Variants in GALNT2 observed in about 807,000 individuals in gnomAD.
GALNT2 encodes the protein UDP-GalNAc:polypeptide N-acetylgalactosaminyltransferase 2.
GALNT2 carries 31 observed loss-of-function variants against 81.4 expected under a neutral mutation model. That is an observed-to-expected ratio of 0.38 (90% CI 0.29 to 0.51). The LOEUF (loss-of-function observed/expected upper bound fraction) is 0.51, where lower values mean the gene tolerates loss of function less well. GALNT2 is among the 20% of genes least tolerant of loss of function. GALNT2 has a pLI of 0.87. For synonymous variants in GALNT2, 303 were observed against 287.4 expected, an observed-to-expected ratio of 1.05 and a Z score of -0.55; for missense variants, 629 against 765.7, an observed-to-expected ratio of 0.82 and a Z score of 2.11.
intron 1 of GALNT2, among the ~76,000 whole-genome samples, chr1:230,060,735 T>C (rs1042728169): frequency 6.6e-6 from 1 of 152,212 alleles, no homozygotes; most frequent in Non-Finnish European, 1.5e-5. Context: ...TGAATGTCTA[T>C]CAGTTGGCAT....
chr1:230,140,151 G>C (rs1485506780), intron 1 of GALNT2, among the ~76,000 whole-genome samples: 2 of 152,240 alleles, frequency 1.3e-5, no homozygotes, highest in African/African-American at 4.8e-5. Context: ...TCCCCTTGGG[G>C]GTCGGCTTTT....
intron 1 of GALNT2, among the ~76,000 whole-genome samples, chr1:230,143,038 G>A (rs1661797901): frequency 6.6e-6 from 1 of 152,150 alleles, no homozygotes; most frequent in South Asian, 2.1e-4. Flanking sequence ...TTAGGGGAGT[G>A]GGCTGGAGAG....
chr1:230,150,566 A>T (rs1662061989), intron 1 of GALNT2, among the ~76,000 whole-genome samples: 1 of 152,192 alleles, frequency 6.6e-6, no homozygotes, highest in South Asian at 2.1e-4. Flanking sequence ...GGGATGTGTG[A>T]CTTGATTCTG....
chr1:230,240,134 A>G (rs555985678), intron 6 of GALNT2, among the ~76,000 whole-genome samples: 1 of 152,264 alleles, frequency 6.6e-6, no homozygotes, highest in Admixed American at 6.5e-5. Flanking sequence ...TTCTTTCCAT[A>G]GATTGGAGTT....
At chr1:230,227,143 T>C (rs774295721) in intron 3 of GALNT2, among the ~76,000 whole-genome samples, 1 of 152,126 alleles carries the variant, frequency 6.6e-6, no homozygotes, top group Non-Finnish European at 1.5e-5. Flanking sequence ...TTTCTAGGGA[T>C]ATTTAAGTTA....
chr1:230,107,644 G>GTGTGTGTGT (rs1553256987), intron 1 of GALNT2, among the ~76,000 whole-genome samples: 21 of 147,680 alleles, frequency 1.4e-4, no homozygotes, highest in South Asian at 2.1e-4. Flanking sequence ...GTGTGTGTGT[G>GTGTGTGTGT]GTTGGTTGGT....
intron 2 of GALNT2, among the ~76,000 whole-genome samples, chr1:230,187,321 T>A (rs1166999974): frequency 1.3e-5 from 2 of 152,252 alleles, no homozygotes; most frequent in Non-Finnish European, 2.9e-5. Flanking sequence ...GCCGTACAGA[T>A]TTATTGATAC....
chr1:230,140,382 T>G (rs1042059336), intron 1 of GALNT2, among the ~76,000 whole-genome samples: 13 of 152,200 alleles, frequency 8.5e-5, no homozygotes, highest in African/African-American at 2.9e-4. Flanking sequence ...CTGGCTCCAC[T>G]GCCCTGGGCC....
chr1:230,155,382 A>G (rs1662216875), intron 1 of GALNT2, among the ~76,000 whole-genome samples: 1 of 152,122 alleles, frequency 6.6e-6, no homozygotes, highest in Non-Finnish European at 1.5e-5. Context: ...CTCCCTAATT[A>G]TAGCTCATCT....
At chr1:230,115,245 C>A (rs1215934328) in intron 1 of GALNT2, among the ~76,000 whole-genome samples, 1 of 152,084 alleles carries the variant, frequency 6.6e-6, no homozygotes, top group Admixed American at 6.5e-5. Context: ...ACCTTGTGAT[C>A]CACCTGCCTC....
At chr1:230,141,850 G>A (rs1434651648) in intron 1 of GALNT2, among the ~76,000 whole-genome samples, 1 of 138,812 alleles carries the variant, frequency 7.2e-6, no homozygotes, top group Non-Finnish European at 1.5e-5. Context: ...TGAAGTGCGT[G>A]CCACAATCAT....
chr1:230,213,029 A>ACT (rs1193449161), intron 3 of GALNT2, among the ~76,000 whole-genome samples: 1 of 152,226 alleles, frequency 6.6e-6, no homozygotes, highest in Non-Finnish European at 1.5e-5. Flanking sequence ...CTCAAAGCTT[A>ACT]ACCCCTGAGT....
chr1:230,196,380 T>C (rs1663696079), intron 2 of GALNT2, among the ~76,000 whole-genome samples: 1 of 152,176 alleles, frequency 6.6e-6, no homozygotes, highest in Non-Finnish European at 1.5e-5. Flanking sequence ...CAGTGAGGTG[T>C]TTGTTAATTT....
intron 1 of GALNT2, among the ~76,000 whole-genome samples, chr1:230,080,112 C>A (rs1659681575): frequency 6.6e-6 from 1 of 152,180 alleles, no homozygotes; most frequent in Non-Finnish European, 1.5e-5. Context: ...GGATTTTTCT[C>A]CCTAACTGGC....
At chr1:230,262,398 C>T (rs540846410) in intron 11 of GALNT2, 175 bp from the exon 12 acceptor site, 1 of 590,588 alleles carries the variant, frequency 1.7e-6, no homozygotes, top group African/African-American at 1.9e-5. Context: ...CCCCACAGGT[C>T]CAGCTCGAGG....
chr1:230,115,006 CTTTTTTTT>C (rs10666711), intron 1 of GALNT2, among the ~76,000 whole-genome samples: 1 of 129,336 alleles, frequency 7.7e-6, no homozygotes, highest in South Asian at 2.5e-4. Flanking sequence ...AGGGTTCACT[CTTTTTTTT>C]TTTTTTTTTA....
upstream of GALNT2, among the ~76,000 whole-genome samples, chr1:230,066,039 T>C (rs142001867): frequency 8.5e-5 from 13 of 152,304 alleles, no homozygotes; most frequent in East Asian, 2.1e-3. Flanking sequence ...GGGAGCTCAG[T>C]TGGAATTTGG....
At chr1:230,207,616 C>T (rs1664102973) in intron 3 of GALNT2, among the ~76,000 whole-genome samples, 1 of 151,870 alleles carries the variant, frequency 6.6e-6, no homozygotes, top group Admixed American at 6.6e-5. Context: ...TTTCTTTCTG[C>T]AAGGTCTCAC....
intron 14 of GALNT2, 40 bp from the exon 15 acceptor site, chr1:230,274,405 G>A (rs773403235): frequency 4.4e-5 from 71 of 1,601,068 alleles, no homozygotes; most frequent in South Asian, 1.9e-4. Context: ...TTCACAGCCC[G>A]GTGCATAGCA....
Sources: allele counts gnomAD v4.1 joint callset (sites outside exome capture counted in the v4.1 genomes callset), GRCh38; gene constraint gnomAD v4.1.1; transcripts MANE v1.5; gene names NCBI Gene and HGNC (gene_info 2026-07-23, HGNC 2026-07-21).